CFAP61: variants seen among roughly 807,000 people sequenced by gnomAD.
CFAP61 encodes the protein cilia and flagella associated protein 61.
CFAP61 carries 107 observed loss-of-function variants against 135.6 expected under a neutral mutation model. The ratio of observed to expected loss-of-function variants is 0.79; its 90% CI spans 0.67 to 0.93. The LOEUF (loss-of-function observed/expected upper bound fraction) is 0.93. Ranked by LOEUF, CFAP61 falls within the 40% of genes least tolerant of loss-of-function variation. The pLI, the probability that CFAP61 is intolerant of heterozygous loss-of-function variation, is 0.00. For missense variants in CFAP61, 1,507 were observed against 1,556.2 expected (o/e 0.97, Z 0.53); for synonymous variants, 575 against 578.5 (o/e 0.99, Z 0.09).
At chr20:20,135,934 GA>G (rs2050888728) in intron 8 of CFAP61, among the ~76,000 whole-genome samples, 1 of 152,110 alleles carries the variant, frequency 6.6e-6, no homozygotes, top group African/African-American at 2.4e-5. Flanking sequence ...TGGTGTTGAT[GA>G]AATACCTTTT....
Position 20,360,282 on chromosome 20 carries a change from C to G in CFAP61, c.3586C>G (p.Pro1196Ala). 6.2e-7 allele frequency: 1 copy of G among 1,613,848 alleles called. No individual in the cohort carries two copies. The highest frequency in any genetic ancestry group is 1.1e-5 in the South Asian group (1 of 91,076). The change falls in exon 27 of 27, where the codon CCC becomes GCC. Residue 1196 changes from proline to alanine, a missense_variant. Coordinates refer to ENST00000245957, the MANE Select transcript of CFAP61 (RefSeq NM_015585.4). Reference protein sequence around the residue: ...EDEEINPTEKPRQYLKRVFEE... With the variant: ...EDEEINPTEKARQYLKRVFEE... ...TGAGGAAATCAACCCGACTGAGAAG[C>G]CCAGGCAATACCTCAAAAGAGTTTT...
At chr20:20,335,420 A>G (rs2058150288) in intron 25 of CFAP61, among the ~76,000 whole-genome samples, 1 of 152,272 alleles carries the variant, frequency 6.6e-6, no homozygotes, top group South Asian at 2.1e-4. Context: ...CATATCTAAA[A>G]TAAATGACAG....
intron 17 of CFAP61, chr20:20,220,319 C>G (rs1476805358): frequency 6.6e-6 from 1 of 152,230 alleles, no homozygotes; most frequent in African/African-American, 2.4e-5. Flanking sequence ...TGCTTTTCCC[C>G]CTGCCATGCC....
At chr20:20,219,725 A>G (rs1353939148) in intron 17 of CFAP61, among the ~76,000 whole-genome samples, 1 of 152,190 alleles carries the variant, frequency 6.6e-6, no homozygotes, top group Non-Finnish European at 1.5e-5. Flanking sequence ...TAGTTCATAT[A>G]TTTCTTTGAT....
At position 20,098,821 on chromosome 20, in the gene CFAP61, T is replaced by A. The variant is rs2047789710; in HGVS notation, c.859+7T>A. The A allele has an allele frequency of 1.2e-6, 2 of 1,607,880 alleles. No homozygotes were observed. Among genetic ancestry groups the A allele is most frequent in the Non-Finnish European group, 1.7e-6 (2 of 1,177,760 alleles). On this transcript the variant is annotated splice_region_variant and intron_variant, in intron 8 of 26. Transcript: ENST00000245957. ...AGTGTCCGAAGAAGTCAAGGTACAGTGGCTATCACAGGGACACACTGGGAA... is the reference window on the plus strand; with the variant it reads ...AGTGTCCGAAGAAGTCAAGGTACAGAGGCTATCACAGGGACACACTGGGAA...
intron 22 of CFAP61, among the ~76,000 whole-genome samples, chr20:20,288,353 T>C (rs1275314014): frequency 2.0e-5 from 3 of 152,204 alleles, no homozygotes; most frequent in Non-Finnish European, 4.4e-5. Flanking sequence ...TTGTGGGAGA[T>C]ATTTCATCAC....
At chr20:20,259,776 A>G (rs543003228) in intron 20 of CFAP61, 1 of 152,284 alleles carries the variant, frequency 6.6e-6, no homozygotes, top group Non-Finnish European at 1.5e-5. Context: ...TCAGCCGAGC[A>G]TATTTCCCAA....
At chr20:20,345,217 C>T (rs1276332175) in intron 26 of CFAP61, among the ~76,000 whole-genome samples, 2 of 151,678 alleles carry the variant, frequency 1.3e-5, no homozygotes, top group Non-Finnish European at 2.9e-5. Context: ...ATAGTTAACA[C>T]TAATTTATTT....
At chr20:20,307,632 A>T (rs182628209) in intron 25 of CFAP61, among the ~76,000 whole-genome samples, 1 of 152,298 alleles carries the variant, frequency 6.6e-6, no homozygotes, top group Admixed American at 6.5e-5. Flanking sequence ...TTAAAATTGC[A>T]TTCGTGTATG....
At chr20:20,306,391 T>C (rs955597553) in intron 25 of CFAP61, among the ~76,000 whole-genome samples, 3 of 152,176 alleles carry the variant, frequency 2.0e-5, no homozygotes, top group South Asian at 2.1e-4. Context: ...AAGGCTCGGA[T>C]TGAGATTTTT....
At chr20:20,174,322 C>T (rs2054447615) in intron 13 of CFAP61, among the ~76,000 whole-genome samples, 1 of 152,182 alleles carries the variant, frequency 6.6e-6, no homozygotes, top group African/African-American at 2.4e-5. Flanking sequence ...TGTAGCTTCT[C>T]TGAGTGCCAT....
intron 18 of CFAP61, among the ~76,000 whole-genome samples, chr20:20,228,933 G>A (rs909480221): frequency 6.6e-6 from 1 of 152,234 alleles, no homozygotes; most frequent in African/African-American, 2.4e-5. Context: ...ACATAATCAG[G>A]CAGGTTTGGC....
At chr20:20,275,807 T>A (rs2053711759) in intron 21 of CFAP61, among the ~76,000 whole-genome samples, 1 of 152,248 alleles carries the variant, frequency 6.6e-6, no homozygotes, top group African/African-American at 2.4e-5. Context: ...TTCTTTGTTG[T>A]GCCAGACAGC....
chr20:20,286,333 T>G (rs897667149), intron 22 of CFAP61, among the ~76,000 whole-genome samples: 5 of 152,248 alleles, frequency 3.3e-5, no homozygotes, highest in African/African-American at 9.6e-5. Flanking sequence ...ACACTGGCTC[T>G]CAAGGCAGAC....
chr20:20,353,339 T>C (rs1235963326), intron 26 of CFAP61, among the ~76,000 whole-genome samples: 2 of 152,092 alleles, frequency 1.3e-5, no homozygotes, highest in Non-Finnish European at 1.5e-5. Flanking sequence ...TGTGCGTGAG[T>C]GTGGGTGCAG....
At chr20:20,059,732 A>G (rs1284808387) in intron 2 of CFAP61, among the ~76,000 whole-genome samples, 2 of 152,224 alleles carry the variant, frequency 1.3e-5, no homozygotes, top group Non-Finnish European at 2.9e-5. Flanking sequence ...AGCTCTGTAG[A>G]TGAATTAAAC....
chr20:20,119,868 C>G (rs745626574), intron 8 of CFAP61, among the ~76,000 whole-genome samples: 1 of 152,128 alleles, frequency 6.6e-6, no homozygotes. Flanking sequence ...ATTTAGCTCC[C>G]ACTTATGAGT....
At chr20:20,302,032 C>T (rs930697010) in intron 25 of CFAP61, among the ~76,000 whole-genome samples, 1 of 152,114 alleles carries the variant, frequency 6.6e-6, no homozygotes, top group Non-Finnish European at 1.5e-5. Flanking sequence ...TAGTATAGCT[C>T]TCAATTTAGG....
chr20:20,204,636 C>T (rs1428190603), intron 17 of CFAP61, among the ~76,000 whole-genome samples: 2 of 152,156 alleles, frequency 1.3e-5, no homozygotes, highest in Non-Finnish European at 2.9e-5. Flanking sequence ...CTTCCTTAAA[C>T]TTGGTAACTT....
Sources: gnomAD v4.1 joint callset for allele counts (sites outside exome capture counted in the v4.1 genomes callset) on GRCh38, gnomAD v4.1.1 for gene constraint, MANE v1.5 for transcripts, NCBI Gene and HGNC (gene_info 2026-07-23, HGNC 2026-07-21) for gene names.